The following SNX29 variants were observed in gnomAD, a reference collection of about 807,000 sequenced individuals.
The protein encoded by SNX29 is sorting nexin-29.
Under a neutral mutation model 102.1 loss-of-function variants are expected in SNX29, and 78 were observed. That is an observed-to-expected ratio of 0.76 (90% confidence interval 0.64 to 0.92). The LOEUF (loss-of-function observed/expected upper bound fraction) is 0.92. SNX29 is among the 40% of genes least tolerant of loss of function. The pLI is 0.00. For synonymous variants in SNX29, 580 were observed against 414.5 expected (o/e 1.40, Z -4.85); for missense variants, 1,280 against 1,061.7 (o/e 1.21, Z -2.86).
chr16:12,267,718 G>A (rs927076484), intron 14 of SNX29, among the ~76,000 whole-genome samples: 8 of 152,146 alleles, frequency 5.3e-5, no homozygotes, highest in African/African-American at 1.7e-4. Context: ...GCAATGGAAC[G>A]GCAAGTTATC....
chr16:12,563,884 G>T (rs867039966), intron 20 of SNX29, among the ~76,000 whole-genome samples: 7 of 152,104 alleles, frequency 4.6e-5, no homozygotes, highest in African/African-American at 1.7e-4. Flanking sequence ...TAGCCCCTTG[G>T]GCCTCTGCCG....
intron 14 of SNX29, among the ~76,000 whole-genome samples, chr16:12,225,138 ACAGTAT>A (rs1441123161): frequency 6.6e-6 from 1 of 152,150 alleles, no homozygotes; most frequent in Non-Finnish European, 1.5e-5. Flanking sequence ...GATATTAATA[ACAGTAT>A]CAGTGATATT....
intron 20 of SNX29, among the ~76,000 whole-genome samples, chr16:12,563,196 A>G (rs2078830108): frequency 2.4e-5 from 1 of 42,494 alleles, no homozygotes; most frequent in Admixed American, 1.8e-4. Context: ...CCCACAGTCA[A>G]CATGCTGGGA....
chr16:12,079,033 C>T (rs2051732089), intron 11 of SNX29, 118 bp downstream of exon 11: 3 of 861,718 alleles, frequency 3.5e-6, no homozygotes, highest in Admixed American at 2.7e-5. Context: ...TGTGTACGTC[C>T]CTGGTTGTAG....
rs150525403 is a variant in SNX29 at position 12,449,600 on chromosome 16, C to A, written c.2038-28119C>A. 6.9e-3 allele frequency among the ~76,000 whole-genome samples: 1,045 copies of A among 152,238 alleles called. 10 individuals are homozygous for A. The highest frequency in any genetic ancestry group is 0.012 in the Non-Finnish European group (801 of 68,004). On this transcript the variant is annotated intron_variant, in intron 18 of 20. Coordinates refer to ENST00000566228, the MANE Select transcript of SNX29 (RefSeq NM_032167.5). Reference sequence around the variant, plus strand: ...GGGTTGATCAGGGGCTCAAATGCAGCACCTCCCGTGCTCCAGCTGTGCATC... The same window carrying A: ...GGGTTGATCAGGGGCTCAAATGCAGAACCTCCCGTGCTCCAGCTGTGCATC...
At chr16:12,083,617 A>G (rs2052020386) in intron 11 of SNX29, among the ~76,000 whole-genome samples, 1 of 152,176 alleles carries the variant, frequency 6.6e-6, no homozygotes, top group Non-Finnish European at 1.5e-5. Context: ...CTGGTTCATT[A>G]GGGAAGGGAT....
rs182494434 is a variant in SNX29 at position 12,573,958 on chromosome 16, G to A, written c.*5329G>A. ...AGTCTTTTTTGAATGGAGGAGCGAT[G>A]GTAACCCCACTAGGGGGCGCCCATG... On this transcript the variant is annotated 3_prime_UTR_variant, in exon 21 of 21. Coordinates refer to ENST00000566228, the MANE Select transcript of SNX29 (RefSeq NM_032167.5). 11 of 199,540 alleles carry A rather than the reference G, an allele frequency of 5.5e-5. No individual in the cohort carries two copies. Among genetic ancestry groups the A allele is most frequent in the African/African-American group, 1.6e-4 (7 of 43,622 alleles). The allele number at this position is 199,540 out of a possible 1,614,324, so 12.4% of individuals were successfully genotyped here.
chr16:12,543,837 GAA>G (rs1484172992), intron 20 of SNX29, among the ~76,000 whole-genome samples: 1 of 152,242 alleles, frequency 6.6e-6, no homozygotes, highest in Non-Finnish European at 1.5e-5. Flanking sequence ...TTCGTATTTG[GAA>G]GAGAGAAGCC....
At chr16:12,523,692 C>G (rs1321547828) in intron 19 of SNX29, among the ~76,000 whole-genome samples, 1 of 152,114 alleles carries the variant, frequency 6.6e-6, no homozygotes, top group Non-Finnish European at 1.5e-5. Context: ...GCCCTGCCCA[C>G]AAACACCAAC....
chr16:12,265,335 G>T (rs1256071695), intron 14 of SNX29, among the ~76,000 whole-genome samples: 1 of 152,144 alleles, frequency 6.6e-6, no homozygotes, highest in East Asian at 1.9e-4. Context: ...ATGAGCAGGT[G>T]GGACTGTGGC....
chr16:12,537,059 A>T (rs2077109136), intron 20 of SNX29, among the ~76,000 whole-genome samples: 1 of 152,210 alleles, frequency 6.6e-6, no homozygotes, highest in African/African-American at 2.4e-5. Flanking sequence ...GAGCATATTT[A>T]GGAGACGATG....
chr16:12,571,820 T>G lies in SNX29; in HGVS notation c.*3191T>G. 1 of 1,039,154 alleles carries G rather than the reference T, an allele frequency of 9.6e-7. No individual in the cohort carries two copies. Among genetic ancestry groups the G allele is most frequent in the Non-Finnish European group, 1.2e-6 (1 of 856,646 alleles). The allele number at this position is 1,039,154 out of a possible 1,614,324, so 64.4% of individuals were successfully genotyped here. ...AATCAGTGTGAAATTCCAGCTTCTTTGATTCCCACTTAGCAGTATGCTCCA... is the reference window on the plus strand; with the variant it reads ...AATCAGTGTGAAATTCCAGCTTCTTGGATTCCCACTTAGCAGTATGCTCCA... On this transcript the variant is annotated 3_prime_UTR_variant, in exon 21 of 21. Transcript: ENST00000566228.
chr16:12,422,182 G>A (rs1218170360), intron 18 of SNX29, among the ~76,000 whole-genome samples: 1 of 152,190 alleles, frequency 6.6e-6, no homozygotes, highest in Non-Finnish European at 1.5e-5. Flanking sequence ...TCTAGACCTA[G>A]GTTTGCAGCT....
chr16:12,174,837 G>A (rs2076224680), intron 13 of SNX29, among the ~76,000 whole-genome samples: 1 of 152,160 alleles, frequency 6.6e-6, no homozygotes, highest in Non-Finnish European at 1.5e-5. Context: ...GTAATAAACA[G>A]CATGTTGAAG....
At chr16:12,564,650 A>C (rs1406772772) in intron 20 of SNX29, among the ~76,000 whole-genome samples, 3 of 152,218 alleles carry the variant, frequency 2.0e-5, no homozygotes, top group East Asian at 1.9e-4. Context: ...GCTGGGGAGC[A>C]GGAATGGAAC....
intron 18 of SNX29, among the ~76,000 whole-genome samples, chr16:12,434,342 T>G (rs1567559011): frequency 6.6e-6 from 1 of 152,202 alleles, no homozygotes; most frequent in Non-Finnish European, 1.5e-5. Context: ...GTAGCTGATC[T>G]GTGAGCTCTA....
At chr16:11,989,786 G>A (rs950015655) in intron 1 of SNX29, among the ~76,000 whole-genome samples, 12 of 152,346 alleles carry the variant, frequency 7.9e-5, no homozygotes, top group Admixed American at 5.9e-4. Flanking sequence ...TGGCAGGACT[G>A]CAGGGCCATG....
chr16:12,512,828 A>G (rs1177012249), intron 19 of SNX29, among the ~76,000 whole-genome samples: 2 of 152,162 alleles, frequency 1.3e-5, no homozygotes, highest in Non-Finnish European at 2.9e-5. Flanking sequence ...CATGGACTCA[A>G]TCAATGCCTG....
At position 12,568,316 on chromosome 16, in the gene SNX29, A is replaced by AT. The variant is rs1482973913; in HGVS notation, c.2319-190_2319-189insT. Among the ~76,000 whole-genome samples the AT allele has an allele frequency of 5.9e-5, 9 of 151,374 alleles. No individual in the cohort carries two copies. The East Asian group carries it at 1.7e-3, about 29-fold the overall frequency. On this transcript the variant is annotated intron_variant, in intron 20 of 20. Coordinates refer to ENST00000566228, the MANE Select transcript of SNX29 (RefSeq NM_032167.5). ...CTCGGAGTGCTGTTAAAAAAAAAAAAATGGAAAGGTTTACGTGACAATAGG... is the reference window on the plus strand; with the variant it reads ...CTCGGAGTGCTGTTAAAAAAAAAAAATATGGAAAGGTTTACGTGACAATAGG...
Sources: gnomAD v4.1 joint callset for allele counts (sites outside exome capture counted in the v4.1 genomes callset) on GRCh38, gnomAD v4.1.1 for gene constraint, MANE v1.5 for transcripts, NCBI Gene and HGNC (gene_info 2026-07-23, HGNC 2026-07-21) for gene names.